The following NKAIN2 variants were observed in gnomAD, a reference collection of about 807,000 sequenced individuals.
NKAIN2 encodes the protein sodium/potassium transporting ATPase interacting 2.
NKAIN2 carries 14 observed loss-of-function variants against 32.6 expected under a neutral mutation model. The ratio of observed to expected loss-of-function variants is 0.43; its 90% confidence interval spans 0.28 to 0.67. The LOEUF (loss-of-function observed/expected upper bound fraction) is 0.67, where lower values mean the gene tolerates loss of function less well. Among genes scored for constraint, NKAIN2 ranks in the 30% least tolerant of loss-of-function variants. The probability of loss-of-function intolerance (pLI) is 0.17; values close to 1 mark genes in which losing one functional copy is unlikely to be tolerated. For synonymous variants in NKAIN2, 80 were observed against 87.2 expected (o/e 0.92, Z 0.46); for missense variants, 198 against 258.3 (o/e 0.77, Z 1.60).
intron 1 of NKAIN2, among the ~76,000 whole-genome samples, chr6:124,083,441 T>C (rs1784061930): frequency 6.6e-6 from 1 of 151,974 alleles, no homozygotes; most frequent in Non-Finnish European, 1.5e-5. Context: ...GGCAATTGTT[T>C]TTCTTTTGTT....
chr6:124,532,123 T>C (rs906134940), intron 3 of NKAIN2, among the ~76,000 whole-genome samples: 1 of 152,124 alleles, frequency 6.6e-6, no homozygotes, highest in Non-Finnish European at 1.5e-5. Flanking sequence ...CCAGGGAGAA[T>C]GTACAGATCT....
Position 124,532,421 on chromosome 6 carries a change from C to T in NKAIN2, c.274-125765C>T, listed in dbSNP as rs1440122077. On this transcript the variant is annotated intron_variant, in intron 3 of 6. Transcript: ENST00000368417. Reference sequence around the variant, plus strand: ...CTCTCCTTTTCAGGCACAGAGAGGTCCCCCAACCTCCCCCTAGTGAAAGAT... The same window carrying T: ...CTCTCCTTTTCAGGCACAGAGAGGTTCCCCAACCTCCCCCTAGTGAAAGAT... Among the ~76,000 whole-genome samples, 3 of 152,098 alleles carry T rather than the reference C, an allele frequency of 2.0e-5. No individual in the cohort carries two copies. In the East Asian group the frequency reaches 5.8e-4, roughly 29 times the overall value.
At chr6:123,824,504 CA>C (rs1350084670) in intron 1 of NKAIN2, among the ~76,000 whole-genome samples, 1 of 151,968 alleles carries the variant, frequency 6.6e-6, no homozygotes. Context: ...GGGAGGGTAC[CA>C]TCAGCTCCTA....
intron 1 of NKAIN2, among the ~76,000 whole-genome samples, chr6:124,275,262 T>A (rs1007762346): frequency 5.9e-5 from 9 of 152,152 alleles, no homozygotes; most frequent in African/African-American, 1.9e-4. Context: ...TAAAATTAAC[T>A]ATTTGACTTC....
intron 1 of NKAIN2, among the ~76,000 whole-genome samples, chr6:124,144,270 T>C (rs1051859216): frequency 1.3e-5 from 2 of 152,182 alleles, no homozygotes; most frequent in African/African-American, 4.8e-5. Flanking sequence ...GGGTACTTAC[T>C]GTGTAGTGTT....
At chr6:124,599,979 T>C (rs995913829) in intron 3 of NKAIN2, among the ~76,000 whole-genome samples, 1 of 152,112 alleles carries the variant, frequency 6.6e-6, no homozygotes, top group African/African-American at 2.4e-5. Context: ...TTCTCAAATC[T>C]ATGCCAGTTA....
intron 1 of NKAIN2, among the ~76,000 whole-genome samples, chr6:124,083,858 T>C (rs1230007962): frequency 6.6e-6 from 1 of 151,976 alleles, no homozygotes; most frequent in Non-Finnish European, 1.5e-5. Flanking sequence ...ACAGAGAGCA[T>C]GATTTTTTCA....
intron 2 of NKAIN2, among the ~76,000 whole-genome samples, chr6:124,318,054 G>T (rs1419225006): frequency 6.6e-6 from 1 of 151,970 alleles, no homozygotes; most frequent in Non-Finnish European, 1.5e-5. Flanking sequence ...GAAATGCTAA[G>T]TATAAATCAT....
chr6:123,805,642 G>T (rs1353096811), intron 1 of NKAIN2, among the ~76,000 whole-genome samples: 1 of 152,112 alleles, frequency 6.6e-6, no homozygotes, highest in African/African-American at 2.4e-5. Flanking sequence ...TATAAGTTTT[G>T]CAATGAAGGA....
At chr6:124,349,138 A>G (rs1189184292) in intron 2 of NKAIN2, among the ~76,000 whole-genome samples, 1 of 152,160 alleles carries the variant, frequency 6.6e-6, no homozygotes, top group Non-Finnish European at 1.5e-5. Context: ...AGACACGTGG[A>G]CATATTGTAG....
At chr6:124,030,877 T>C (rs1239498552) in intron 1 of NKAIN2, among the ~76,000 whole-genome samples, 1 of 152,166 alleles carries the variant, frequency 6.6e-6, no homozygotes, top group African/African-American at 2.4e-5. Flanking sequence ...TCTTTTTTGA[T>C]TGTTAACCAC....
intron 1 of NKAIN2, among the ~76,000 whole-genome samples, chr6:124,197,557 A>T (rs1158412894): frequency 1.3e-5 from 2 of 152,166 alleles, no homozygotes; most frequent in African/African-American, 2.4e-5. Flanking sequence ...AGAAGTGGAA[A>T]TCCTGCTCTT....
chr6:123,808,465 C>CA (rs1187593918), intron 1 of NKAIN2, among the ~76,000 whole-genome samples: 13 of 152,174 alleles, frequency 8.5e-5, no homozygotes, highest in African/African-American at 2.9e-4. Context: ...AATATTGTTG[C>CA]ACATGGTTTT....
At chr6:124,370,968 C>T (rs1335839423) in intron 3 of NKAIN2, among the ~76,000 whole-genome samples, 1 of 152,110 alleles carries the variant, frequency 6.6e-6, no homozygotes, top group Non-Finnish European at 1.5e-5. Context: ...AATTTTTACA[C>T]CCAGACCCCC....
At chr6:124,236,997 G>T (rs527236489) in intron 1 of NKAIN2, among the ~76,000 whole-genome samples, 1 of 152,300 alleles carries the variant, frequency 6.6e-6, no homozygotes, top group East Asian at 1.9e-4. Flanking sequence ...GTTTTGGCAA[G>T]AAGTTGGGTG....
chr6:123,816,806 C>T (rs1773711879), intron 1 of NKAIN2, among the ~76,000 whole-genome samples: 1 of 152,130 alleles, frequency 6.6e-6, no homozygotes, highest in Non-Finnish European at 1.5e-5. Context: ...GAACAGAAGT[C>T]TAGATCTTGA....
At chr6:124,351,063 A>G (rs1798704127) in intron 2 of NKAIN2, among the ~76,000 whole-genome samples, 1 of 152,258 alleles carries the variant, frequency 6.6e-6, no homozygotes, top group Non-Finnish European at 1.5e-5. Context: ...ATGCTTTATA[A>G]TTATGTGTTG....
At chr6:124,353,704 G>A (rs1479371438) in intron 2 of NKAIN2, among the ~76,000 whole-genome samples, 3 of 151,612 alleles carry the variant, frequency 2.0e-5, no homozygotes, top group Non-Finnish European at 4.4e-5. Flanking sequence ...TCAGTGAGCC[G>A]AGATCGCGCC....
intron 1 of NKAIN2, among the ~76,000 whole-genome samples, chr6:123,851,244 ATTTTTTTTT>A (rs59287833): frequency 1.0e-4 from 9 of 88,194 alleles, no homozygotes; most frequent in Admixed American, 1.6e-4. Flanking sequence ...TGGTGGTTCT[ATTTTTTTTT>A]TTTTTTTTTT....
Sources: gnomAD v4.1 joint callset for allele counts (sites outside exome capture counted in the v4.1 genomes callset) on GRCh38, gnomAD v4.1.1 for gene constraint, MANE v1.5 for transcripts, NCBI Gene and HGNC (gene_info 2026-07-23, HGNC 2026-07-21) for gene names.